Variants in GTF2IRD2B observed in about 807,000 individuals in gnomAD.
The protein encoded by GTF2IRD2B is general transcription factor II-I repeat domain-containing protein 2B.
Under a neutral mutation model 55.6 loss-of-function variants are expected in GTF2IRD2B, and 10 were observed. The ratio of observed to expected loss-of-function variants is 0.18; its 90% CI spans 0.11 to 0.31. The LOEUF is 0.31. Ranked by LOEUF, GTF2IRD2B falls within the 10% of genes least tolerant of loss-of-function variation. The pLI, the probability that GTF2IRD2B is intolerant of heterozygous loss-of-function variation, is 1.00. For synonymous variants in GTF2IRD2B, 107 were observed against 320.5 expected, an observed-to-expected ratio of 0.33 and a Z score of 7.12; for missense variants, 206 against 802.7, an observed-to-expected ratio of 0.26 and a Z score of 8.98.
intron 11 of GTF2IRD2B, among the ~76,000 whole-genome samples, chr7:75,137,282 T>C: frequency 6.6e-6 from 1 of 150,718 alleles, no homozygotes; most frequent in East Asian, 1.9e-4. Context: ...AGAGCAGCCA[T>C]TCCCATTAGG....
intron 6 of GTF2IRD2B, 107 bp downstream of exon 6, chr7:75,123,623 C>T (rs1808455273): frequency 1.8e-6 from 1 of 559,374 alleles, no homozygotes; most frequent in Admixed American, 3.2e-5. Context: ...CACCTGTAAT[C>T]CCAGCACTTT....
intron 3 of GTF2IRD2B, among the ~76,000 whole-genome samples, chr7:75,117,315 C>CA (rs1362063184): frequency 6.0e-4 from 91 of 152,106 alleles, no homozygotes; most frequent in African/African-American, 2.2e-3. Context: ...GCCTGGTCAA[C>CA]ATGGGAAAAC....
At chr7:75,105,740 G>A (rs1303683424) in intron 1 of GTF2IRD2B, among the ~76,000 whole-genome samples, 2 of 152,308 alleles carry the variant, frequency 1.3e-5, no homozygotes. Context: ...TCAACCTTCT[G>A]TAACTGTCCA....
chr7:75,113,982 TAAG>T (rs1395716661), intron 3 of GTF2IRD2B, among the ~76,000 whole-genome samples: 1 of 148,688 alleles, frequency 6.7e-6, no homozygotes, highest in African/African-American at 2.5e-5. Flanking sequence ...AGATGATAGA[TAAG>T]AGAGAGGAAT....
chr7:75,130,258 A>G (rs1398754001), intron 8 of GTF2IRD2B, among the ~76,000 whole-genome samples: 1 of 65,286 alleles, frequency 1.5e-5, no homozygotes, highest in African/African-American at 6.1e-5. Context: ...GCTCACTGCA[A>G]CCTCTGCCTC....
intron 1 of GTF2IRD2B, among the ~76,000 whole-genome samples, chr7:75,105,374 C>G (rs1282489765): frequency 6.6e-6 from 1 of 152,306 alleles, no homozygotes; most frequent in Non-Finnish European, 1.5e-5. Flanking sequence ...TGTGGTGGCT[C>G]ACGCCTGCAA....
At chr7:75,114,187 C>G (rs1320549967) in intron 3 of GTF2IRD2B, among the ~76,000 whole-genome samples, 28 of 150,948 alleles carry the variant, frequency 1.9e-4, no homozygotes, top group Non-Finnish European at 3.2e-4. Context: ...AAGGTCTCCA[C>G]TATCAAGAAG....
At chr7:75,105,503 C>G (rs1423499812) in intron 1 of GTF2IRD2B, among the ~76,000 whole-genome samples, 3 of 152,308 alleles carry the variant, frequency 2.0e-5, no homozygotes, top group African/African-American at 4.8e-5. Context: ...TATTCCACCT[C>G]AAAAAACAAA....
intron 11 of GTF2IRD2B, among the ~76,000 whole-genome samples, chr7:75,138,616 G>A (rs1316545519): frequency 5.1e-5 from 6 of 117,040 alleles, no homozygotes; most frequent in South Asian, 2.6e-4. Context: ...GCAGTGAGCC[G>A]AGATCGCACC....
intron 1 of GTF2IRD2B, among the ~76,000 whole-genome samples, chr7:75,104,097 G>A (rs1313229308): frequency 6.6e-5 from 9 of 136,088 alleles, no homozygotes; most frequent in African/African-American, 1.9e-4. Context: ...ATCACCAGGG[G>A]TGCCCCTTGG....
chr7:75,121,639 A>C (rs1808372001), intron 4 of GTF2IRD2B, among the ~76,000 whole-genome samples: 1 of 149,622 alleles, frequency 6.7e-6, no homozygotes, highest in South Asian at 2.1e-4. Flanking sequence ...TTGTATGTTT[A>C]GTAGAGATGG....
chr7:75,112,786 A>C, intron 3 of GTF2IRD2B: 1 of 478,578 alleles, frequency 2.1e-6, no homozygotes, highest in South Asian at 2.6e-5. Context: ...CATAGAACAA[A>C]TTATCTTTAA....
intron 3 of GTF2IRD2B, among the ~76,000 whole-genome samples, chr7:75,119,229 A>AAAAG (rs1808283381): frequency 9.1e-6 from 1 of 110,356 alleles, no homozygotes; most frequent in African/African-American, 2.9e-5. Flanking sequence ...AAAAAAAAAA[A>AAAAG]AAGAATGAAA....
intron 1 of GTF2IRD2B, among the ~76,000 whole-genome samples, chr7:75,097,777 C>CT (rs1258121757): frequency 9.4e-6 from 1 of 105,848 alleles, no homozygotes; most frequent in African/African-American, 3.7e-5. Context: ...AGGCTGCGGT[C>CT]TGGATTTGAC....
At position 75,123,327 on chromosome 7, in the gene GTF2IRD2B, A is replaced by G; in HGVS notation, c.542+8A>G. ...TTCATTCATCATAAATAGGTGACAC[A>G]CTCTGCACCCCCGCCCCTTCAGTTC... On this transcript the variant is annotated splice_region_variant and intron_variant, in intron 5 of 15. Coordinates refer to ENST00000472837, the MANE Select transcript of GTF2IRD2B (RefSeq NM_001003795.3). The G allele has an allele frequency of 1.1e-6, 1 of 881,958 alleles. No individual in the cohort carries two copies. The highest frequency in any genetic ancestry group is 2.6e-5 in the East Asian group (1 of 37,944). 54.6% of individuals were successfully genotyped at this position (881,958 alleles called of 1,614,324 possible).
chr7:75,092,881 G>C (rs1807293667), intron 1 of GTF2IRD2B, 116 bp downstream of exon 1: 1 of 152,498 alleles, frequency 6.6e-6, no homozygotes, highest in Admixed American at 6.5e-5. Flanking sequence ...GCCGCAGCGG[G>C]AGGTGGCCCC....
chr7:75,122,994 G>A (rs587600635), intron 4 of GTF2IRD2B, 142 bp from the exon 5 acceptor site: 27 of 1,302,854 alleles, frequency 2.1e-5, no homozygotes, highest in East Asian at 9.6e-5. Context: ...AGGTTGCAGC[G>A]AGCCGAGATC....
intron 8 of GTF2IRD2B, among the ~76,000 whole-genome samples, chr7:75,127,197 G>C (rs1270599164): frequency 6.6e-6 from 1 of 151,248 alleles, no homozygotes; most frequent in Non-Finnish European, 1.5e-5. Context: ...AACAAGCCTT[G>C]GCAGGGTGTG....
intron 1 of GTF2IRD2B, among the ~76,000 whole-genome samples, chr7:75,096,852 C>A (rs1373573903): frequency 2.1e-5 from 3 of 141,048 alleles, no homozygotes; most frequent in Non-Finnish European, 3.1e-5. Context: ...AAAACCAAGC[C>A]CTGCGGCTCA....
Sources: gnomAD v4.1 joint callset for allele counts (sites outside exome capture counted in the v4.1 genomes callset) on GRCh38, gnomAD v4.1.1 for gene constraint, MANE v1.5 for transcripts, NCBI Gene and HGNC (gene_info 2026-07-23, HGNC 2026-07-21) for gene names.